MED15: variants seen among roughly 807,000 people sequenced by gnomAD.
MED15 encodes the protein mediator of RNA polymerase II transcription subunit 15.
Under a neutral mutation model 118.7 loss-of-function variants are expected in MED15, and 41 were observed. The ratio of observed to expected loss-of-function variants is 0.35; its 90% CI spans 0.27 to 0.45. The LOEUF is 0.45. Ranked by LOEUF, MED15 falls within the 20% of genes least tolerant of loss-of-function variation. The pLI is 1.00. For synonymous variants in MED15, 436 were observed against 413.9 expected (o/e 1.05, Z -0.65); for missense variants, 740 against 1,025.5 (o/e 0.72, Z 3.80).
In MED15 at chr22:20,566,319, C is replaced by T. The variant is rs946592745; in HGVS notation, c.691-148C>T. 24 of 1,405,238 alleles carry T rather than the reference C, an allele frequency of 1.7e-5. No homozygotes were observed. The African/African-American group carries it at 2.1e-4, about 12-fold the overall frequency. The allele number at this position is 1,405,238 out of a possible 1,614,324, so 87.0% of individuals were successfully genotyped here. On this transcript the variant is annotated intron_variant, in intron 6 of 17. Transcript: ENST00000263205. ...CCTCCCAAAGTGCTGGGATTACAGG[C>T]GTGAGCCACTGCACCCAGCCAGGAA...
intron 2 of MED15, among the ~76,000 whole-genome samples, chr22:20,539,010 A>G (rs2055187057): frequency 6.6e-6 from 1 of 151,502 alleles, no homozygotes. Flanking sequence ...CACGTACAAT[A>G]TATGTTTTTA....
chr22:20,549,210 A>G (rs1035930607), intron 2 of MED15, among the ~76,000 whole-genome samples: 8 of 152,128 alleles, frequency 5.3e-5, no homozygotes, highest in African/African-American at 1.9e-4. Context: ...ATGTGAATTG[A>G]TGACTCCTGT....
intron 7 of MED15, 94 bp downstream of exon 7, chr22:20,566,911 T>A: frequency 6.5e-7 from 1 of 1,548,914 alleles, no homozygotes; most frequent in Non-Finnish European, 8.7e-7. Context: ...CATATCCTAT[T>A]CTTCAAGTGC....
chr22:20,538,802 C>T (rs767854949), intron 2 of MED15, among the ~76,000 whole-genome samples: 6 of 152,032 alleles, frequency 3.9e-5, no homozygotes, highest in African/African-American at 1.2e-4. Flanking sequence ...CAGGTTCAAG[C>T]GATTCTTCCG....
chr22:20,538,811 C>T (rs750855614), intron 2 of MED15, among the ~76,000 whole-genome samples: 5 of 151,150 alleles, frequency 3.3e-5, no homozygotes, highest in South Asian at 2.1e-4. Flanking sequence ...GCGATTCTTC[C>T]GCCTCAGCCT....
Position 20,547,129 on chromosome 22 carries a change from C to G in MED15, c.157-4307C>G, listed in dbSNP as rs768890909. ...ATTATTAGCATACTTGGTTGCTTTA[C>G]TTTAAAATCATTTCAGAATAAACAG... On this transcript the variant is annotated intron_variant, in intron 2 of 17. Transcript: ENST00000263205. Among the ~76,000 whole-genome samples, 111 of 152,206 alleles carry G rather than the reference C, an allele frequency of 7.3e-4. 1 individual carries two copies. The highest frequency in any genetic ancestry group is 7.7e-4 in the East Asian group (4 of 5,186).
In MED15 at chr22:20,554,561, GGGCCCAT is replaced by G. The variant is rs1452974650; in HGVS notation, c.239-374_239-368del. 41 of 174,484 alleles carry G rather than the reference GGGCCCAT, an allele frequency of 2.3e-4. 1 individual carries two copies. The highest frequency in any genetic ancestry group is 8.7e-4 in the African/African-American group (37 of 42,382). 10.8% of individuals were successfully genotyped at this position (174,484 alleles called of 1,614,324 possible). ...CCACTGTGTTACCGCTTGCTCAGAA[GGGCCCAT>G]CGTGCTTTGTACGCTCACCCAGCAG... On this transcript the variant is annotated intron_variant, in intron 4 of 17. Transcript: ENST00000263205.
chr22:20,569,499 T>C (rs1358245931), intron 8 of MED15, among the ~76,000 whole-genome samples: 1 of 152,224 alleles, frequency 6.6e-6, no homozygotes, highest in East Asian at 1.9e-4. Context: ...CCTGGCCTTG[T>C]GGTTTTCTGC....
intron 1 of MED15, chr22:20,519,035 G>T: frequency 2.9e-6 from 1 of 349,656 alleles, no homozygotes; most frequent in Non-Finnish European, 5.7e-6. Flanking sequence ...GTAATTTTTT[G>T]TAGAGTAAGG....
At chr22:20,568,674 G>A (rs1266012898) in intron 8 of MED15, 43 bp downstream of exon 8, 2 of 1,598,500 alleles carry the variant, frequency 1.3e-6, no homozygotes, top group East Asian at 2.3e-5. Flanking sequence ...ATCAGCAGGT[G>A]CATGTTCACC....
chr22:20,543,170 T>TATTG (rs2055382056), intron 2 of MED15, among the ~76,000 whole-genome samples: 1 of 150,754 alleles, frequency 6.6e-6, no homozygotes, highest in Non-Finnish European at 1.5e-5. Flanking sequence ...AAATTCTTTT[T>TATTG]ATTGTACCCT....
chr22:20,575,747 A>T (rs1237755583), intron 9 of MED15, among the ~76,000 whole-genome samples: 1 of 148,642 alleles, frequency 6.7e-6, no homozygotes, highest in African/African-American at 2.5e-5. Context: ...TATATATATA[A>T]ATGTATATAT....
intron 8 of MED15, among the ~76,000 whole-genome samples, chr22:20,570,679 T>A (rs1401696640): frequency 6.8e-6 from 1 of 147,832 alleles, no homozygotes; most frequent in Non-Finnish European, 1.5e-5. Context: ...GCATGAGCCA[T>A]CGCACCCAGC....
intron 1 of MED15, among the ~76,000 whole-genome samples, chr22:20,534,468 G>T (rs1358802453): frequency 6.6e-6 from 1 of 152,202 alleles, no homozygotes; most frequent in African/African-American, 2.4e-5. Context: ...AAGCTGCAGT[G>T]AGCTGTGTTT....
intron 8 of MED15, among the ~76,000 whole-genome samples, chr22:20,569,006 G>T (rs1468865358): frequency 6.6e-6 from 1 of 152,204 alleles, no homozygotes; most frequent in Non-Finnish European, 1.5e-5. Flanking sequence ...GACCAGGGTG[G>T]AGGGCAGCTT....
intron 1 of MED15, among the ~76,000 whole-genome samples, chr22:20,510,296 G>T (rs1259688469): frequency 6.6e-6 from 1 of 152,180 alleles, no homozygotes; most frequent in Non-Finnish European, 1.5e-5. Context: ...TGAGGCAGGA[G>T]AATTGCTTGA....
intron 5 of MED15, among the ~76,000 whole-genome samples, chr22:20,558,867 A>T (rs2056120732): frequency 6.6e-6 from 1 of 152,218 alleles, no homozygotes; most frequent in African/African-American, 2.4e-5. Flanking sequence ...CAATCAGCAT[A>T]CAAAGATCAC....
intron 16 of MED15, chr22:20,585,522 G>GCCCTA: frequency 1.5e-6 from 1 of 683,610 alleles, no homozygotes; most frequent in South Asian, 1.9e-5. Flanking sequence ...CTAGGGAGGT[G>GCCCTA]GTAGGCAGGA....
chr22:20,572,759 A>G (rs926272196), intron 8 of MED15, among the ~76,000 whole-genome samples: 2 of 152,176 alleles, frequency 1.3e-5, no homozygotes, highest in Non-Finnish European at 2.9e-5. Context: ...TCTCTACAAA[A>G]AAATAAAAAT....
Sources: allele counts gnomAD v4.1 joint callset (sites outside exome capture counted in the v4.1 genomes callset), GRCh38; gene constraint gnomAD v4.1.1; transcripts MANE v1.5; gene names NCBI Gene and HGNC (gene_info 2026-07-23, HGNC 2026-07-21).